SNX19: variants seen among roughly 807,000 people sequenced by gnomAD.
The protein encoded by SNX19 is sorting nexin 19.
A neutral mutation model predicts 85.2 loss-of-function variants in SNX19; 60 were observed. That is an observed-to-expected ratio of 0.70 (90% CI 0.57 to 0.87). SNX19 has a LOEUF of 0.87. Ranked by LOEUF, SNX19 falls within the 40% of genes least tolerant of loss-of-function variation. SNX19 has a pLI of 0.00. For synonymous variants in SNX19, 520 were observed against 470.0 expected (o/e 1.11, Z -1.38); for missense variants, 1,201 against 1,217.8 (o/e 0.99, Z 0.21).
rs1164314145 is a variant in SNX19, at chr11:130,866,638, C to T, written c.*11784G>A. ...ATTTTAAAAACATAAGAAGGTTTGA[C>T]ATTCTGCCCAGAGCAACGGAGGGCA... On this transcript the variant is annotated 3_prime_UTR_variant, in exon 11 of 11. Transcript: ENST00000265909. 6.6e-6 allele frequency: 1 copy of T among 152,166 alleles called. No homozygotes were observed. The highest frequency in any genetic ancestry group is 6.5e-5 in the Admixed American group (1 of 15,276). 9.4% of individuals were successfully genotyped at this position (152,166 alleles called of 1,614,324 possible). A position where few individuals can be genotyped will look rare whatever the true frequency, so the allele number is the denominator to read the frequency against.
intron 1 of SNX19, among the ~76,000 whole-genome samples, chr11:130,913,410 T>C (rs1946299264): frequency 6.6e-6 from 1 of 152,246 alleles, no homozygotes; most frequent in Non-Finnish European, 1.5e-5. Context: ...TTCTAATTAC[T>C]TCCATTCCGT....
chr11:130,897,187 T>A (rs3794138), intron 8 of SNX19, among the ~76,000 whole-genome samples: 1 of 151,434 alleles, frequency 6.6e-6, no homozygotes, highest in African/African-American at 2.4e-5. Flanking sequence ...AAGTTTCTCC[T>A]GGGTGCCCTG....
rs538318987 is a variant in SNX19 at position 130,916,115 on chromosome 11, C to T, written c.-176G>A. The T allele has an allele frequency of 4.9e-6, 3 of 609,630 alleles. No individual in the cohort carries two copies. The highest frequency in any genetic ancestry group is 1.9e-5 in the African/African-American group (1 of 53,998). 37.8% of individuals were successfully genotyped at this position (609,630 alleles called of 1,614,324 possible). On this transcript the variant is annotated 5_prime_UTR_variant, in exon 1 of 11. Coordinates refer to ENST00000265909, the MANE Select transcript of SNX19 (RefSeq NM_014758.3). Reference sequence around the variant, plus strand: ...CACTGCAAAGCGACAGCTGCAGCTCCGCGTCTCCCCATGGCTACCACTAAC... The same window carrying T: ...CACTGCAAAGCGACAGCTGCAGCTCTGCGTCTCCCCATGGCTACCACTAAC...
chr11:130,888,238 T>C (rs1944228898), intron 8 of SNX19, among the ~76,000 whole-genome samples: 1 of 152,218 alleles, frequency 6.6e-6, no homozygotes, highest in Non-Finnish European at 1.5e-5. Flanking sequence ...TGTTTTTGAA[T>C]CTTAATTTTC....
At position 130,915,733 on chromosome 11, in the gene SNX19, G is replaced by C; in HGVS notation, c.207C>G (p.Leu69=). The C allele has an allele frequency of 6.2e-7, 1 of 1,614,204 alleles. No homozygotes were observed. The stretch of plus-strand genomic sequence containing the variant: ...GCAGTCGACCTGAAGCCACTCCAGC[G>C]AGGCTGGAGCCCAGCCATCCTCCCA... ...VVLGGWLGSS[L]AGVASGRLHL... The change falls in exon 1 of 11, where the codon CTC becomes CTG. Residue 69 remains leucine, a synonymous_variant. Transcript: ENST00000265909.
Position 130,903,253 on chromosome 11 carries a change from A to C in SNX19, c.2573+2T>G, listed in dbSNP as rs1211717706. On this transcript the variant is annotated splice_donor_variant, in intron 8 of 10. Coordinates refer to ENST00000265909, the MANE Select transcript of SNX19 (RefSeq NM_014758.3). LOFTEE classifies it high-confidence loss of function. ...ATGTGAGGGAGAATTCAGCAGTCTT[A>C]CCTTTGAACTAGGGTCCCAAAGATA... 1 of 1,613,624 alleles carries C rather than the reference A, an allele frequency of 6.2e-7. No individual in the cohort carries two copies. Among genetic ancestry groups the C allele is most frequent in the Admixed American group, 1.7e-5 (1 of 60,004 alleles).
intron 7 of SNX19, among the ~76,000 whole-genome samples, chr11:130,905,411 GT>G (rs1453048912): frequency 6.6e-6 from 1 of 152,204 alleles, no homozygotes; most frequent in Non-Finnish European, 1.5e-5. Flanking sequence ...GTATATCCAA[GT>G]GAAGATATAC....
intron 7 of SNX19, among the ~76,000 whole-genome samples, chr11:130,905,152 T>C (rs1270307474): frequency 6.6e-6 from 1 of 152,244 alleles, no homozygotes; most frequent in Non-Finnish European, 1.5e-5. Flanking sequence ...CCATACTGAT[T>C]AATATCTAGG....
chr11:130,873,685 G>T lies in SNX19; in HGVS notation c.*4737C>A, dbSNP rs1943112532. ...ACTACATCAGAACCTACCTTTAAGG[G>T]TTGATTTGTGGGTTAAATAAGTGAA... is the stretch of plus-strand genomic sequence containing the variant. On this transcript the variant is annotated 3_prime_UTR_variant, in exon 11 of 11. Coordinates refer to ENST00000265909, the MANE Select transcript of SNX19 (RefSeq NM_014758.3). 6.6e-6 allele frequency among the ~76,000 whole-genome samples: 1 copy of T among 152,108 alleles called. No individual in the cohort carries two copies. The highest frequency in any genetic ancestry group is 2.4e-5 in the African/African-American group (1 of 41,426).
intron 8 of SNX19, chr11:130,894,747 G>A (rs1330643370): frequency 3.0e-6 from 3 of 985,410 alleles, no homozygotes; most frequent in Non-Finnish European, 2.4e-6. Context: ...TTATTTGAAA[G>A]TAGAATGCCC....
intron 7 of SNX19, among the ~76,000 whole-genome samples, chr11:130,905,019 G>A (rs998400954): frequency 3.3e-5 from 5 of 152,194 alleles, no homozygotes; most frequent in African/African-American, 1.2e-4. Context: ...GGGCACCTCA[G>A]AAAGAATAGT....
intron 1 of SNX19, 75 bp from the exon 2 acceptor site, chr11:130,911,846 T>A: frequency 6.9e-7 from 1 of 1,457,822 alleles, no homozygotes; most frequent in Non-Finnish European, 9.5e-7. Context: ...ACTGACTACT[T>A]GGTCAATGGC....
Position 130,903,315 on chromosome 11 carries a change from C to G in SNX19, c.2513G>C (p.Trp838Ser). ...CTTTTGCATGTTTTCGGTACATAGC[C>G]ATTTCCACTGTTCTGTTAGTAGCAA... ...LLLLLTEQWKWLCTENMQKFL... is the reference protein window; with the variant it reads ...LLLLLTEQWKSLCTENMQKFL... Residue 838 changes from tryptophan to serine, a missense_variant, in exon 8 of 11, where the codon TGG becomes TCG. Around this residue, in one of 3 missense-constraint regions of SNX19, gnomAD observed 285 missense variants for 295.3 expected, o/e 0.97. Coordinates refer to ENST00000265909, the MANE Select transcript of SNX19 (RefSeq NM_014758.3). The G allele has an allele frequency of 6.2e-7, 1 of 1,613,852 alleles. No homozygotes were observed. The highest frequency in any genetic ancestry group is 1.3e-5 in the African/African-American group (1 of 75,006).
chr11:130,879,905 T>C (rs952887313), intron 9 of SNX19, among the ~76,000 whole-genome samples, 194 bp from the exon 10 acceptor site: 4 of 152,206 alleles, frequency 2.6e-5, no homozygotes, highest in Admixed American at 2.0e-4. Flanking sequence ...AAGTTAGGTG[T>C]CTACATAAGA....
Position 130,914,625 on chromosome 11 carries a change from A to G in SNX19, c.1315T>C (p.Ser439Pro), listed in dbSNP as rs1023036951. The G allele has an allele frequency of 4.3e-6, 7 of 1,613,790 alleles. No homozygotes were observed. The African/African-American group carries it at 9.3e-5, about 22-fold the overall frequency. ...ATCTCTGGGCAGGAATTCAGTGTGG[A>G]GACCGGCAGGCCTGTCTCTGTTTCT... ...GTETETGLPV[S>P]TLNSCPEIHI... is the part of the protein sequence containing the mutation. The change falls in exon 1 of 11, where the codon TCC becomes CCC. Residue 439 changes from serine (S) to proline (P), a missense_variant. Around this residue, in one of 3 missense-constraint regions of SNX19, gnomAD observed 791 missense variants for 750.9 expected, o/e 1.05. Coordinates refer to ENST00000265909, the MANE Select transcript of SNX19 (RefSeq NM_014758.3).
chr11:130,907,877 G>A, intron 5 of SNX19, 76 bp downstream of exon 5: 2 of 1,584,848 alleles, frequency 1.3e-6, no homozygotes, highest in Non-Finnish European at 1.7e-6. Context: ...CTTGAGAATA[G>A]GGTGAGTGTT....
chr11:130,888,668 A>C (rs966539308), intron 8 of SNX19, among the ~76,000 whole-genome samples: 6 of 152,188 alleles, frequency 3.9e-5, no homozygotes, highest in Non-Finnish European at 8.8e-5. Flanking sequence ...GGGGTCAAGA[A>C]CCTTTAACCA....
In SNX19 at chr11:130,903,378, T is replaced by C. The variant is rs1945401296; in HGVS notation, c.2450A>G (p.Glu817Gly). 7 of 1,612,382 alleles carry C rather than the reference T, an allele frequency of 4.3e-6. No individual in the cohort carries two copies. Among genetic ancestry groups the C allele is most frequent in the Non-Finnish European group, 5.9e-6 (7 of 1,179,814 alleles). Residue 817 changes from glutamate to glycine, a missense_variant, in exon 8 of 11, where the codon GAG (glutamate) becomes GGG (glycine). By Grantham distance (98) the Glu-to-Gly change is moderately conservative (BLOSUM62 -2). Transcript: ENST00000265909. ...CAGGGCTGTGTCAGCTAACTCTGTC[T>C]CTGTTCCTGAGGGATAAAATGGCAT... ...QDPSNSDPGT[E>G]TELADTALDL...
At position 130,915,432 on chromosome 11, in the gene SNX19, T is replaced by C. The variant is rs758190263; in HGVS notation, c.508A>G (p.Ile170Val). The change falls in exon 1 of 11, where the codon ATT becomes GTT. Residue 170 changes from isoleucine to valine, a missense_variant. Ile to Val is a conservative substitution (Grantham distance 29). Transcript: ENST00000265909. ...CCTGCAGTGGCCTCCTTTGCCTGAATGTAGCTCTGCAGGTGACAACCGCAG... is the reference window on the plus strand; with the variant it reads ...CCTGCAGTGGCCTCCTTTGCCTGAACGTAGCTCTGCAGGTGACAACCGCAG... ...TLCGCHLQSYIQAKEATAGKN... is the reference protein window; with the variant it reads ...TLCGCHLQSYVQAKEATAGKN... The C allele has an allele frequency of 2.5e-5, 41 of 1,613,970 alleles. No individual in the cohort carries two copies. In the East Asian group the frequency reaches 6.7e-4, roughly 26 times the overall value.
Sources: allele counts gnomAD v4.1 joint callset (sites outside exome capture counted in the v4.1 genomes callset), GRCh38; gene constraint gnomAD v4.1.1; regional missense constraint gnomAD v4.1.1; transcripts MANE v1.5; gene names NCBI Gene and HGNC (gene_info 2026-07-23, HGNC 2026-07-21).